Variants in STAB1 observed in about 807,000 individuals in gnomAD.
STAB1 encodes the protein stabilin 1.
A neutral mutation model predicts 332.4 loss-of-function variants in STAB1; 250 were observed. The ratio of observed to expected loss-of-function variants is 0.75; its 90% CI spans 0.68 to 0.84. STAB1 has a LOEUF of 0.84. Ranked by LOEUF, STAB1 falls within the 40% of genes least tolerant of loss-of-function variation. The probability of loss-of-function intolerance (pLI) is 0.00; values close to 1 mark genes in which losing one functional copy is unlikely to be tolerated. For missense variants in STAB1, 3,249 were observed against 3,489.7 expected (o/e 0.93, Z 1.74); for synonymous variants, 1,475 against 1,390.4 (o/e 1.06, Z -1.35).
At position 52,502,098 on chromosome 3, in the gene STAB1, G is replaced by C. The variant is rs1708492272; in HGVS notation, c.417+7G>C. 2 of 1,613,662 alleles carry C rather than the reference G, an allele frequency of 1.2e-6. No homozygotes were observed. ...TGGGACCTGTGTGTGCCAGGTAAGGGCTGGGCAAGGTGGGGTGGAGGCTCA... is the reference window on the plus strand; with the variant it reads ...TGGGACCTGTGTGTGCCAGGTAAGGCCTGGGCAAGGTGGGGTGGAGGCTCA... On this transcript the variant is annotated splice_region_variant and intron_variant, in intron 4 of 68. Transcript: ENST00000321725.
chr3:52,503,843 C>T lies in STAB1; in HGVS notation c.963C>T (p.Cys321=). ...CTTCTGCGGGCTGCTTCGCCTTCTGCTCCCCCTTCTCCTGCGACCGGTCTG... is the reference window on the plus strand; with the variant it reads ...CTTCTGCGGGCTGCTTCGCCTTCTGTTCCCCCTTCTCCTGCGACCGGTCTG... The part of the protein sequence containing the change: ...SNASAGCFAF[C]SPFSCDRSAT... The change falls in exon 9 of 69, where the codon TGC becomes TGT. Residue 321 remains cysteine, a synonymous_variant. Coordinates refer to ENST00000321725, the MANE Select transcript of STAB1 (RefSeq NM_015136.3). The T allele has an allele frequency of 2.5e-6, 4 of 1,613,274 alleles. No individual in the cohort carries two copies. The highest frequency in any genetic ancestry group is 3.4e-6 in the Non-Finnish European group (4 of 1,180,028).
intron 19 of STAB1, 85 bp downstream of exon 19, chr3:52,507,760 G>A: frequency 1.9e-6 from 3 of 1,566,438 alleles, no homozygotes; most frequent in Middle Eastern, 1.7e-4. Flanking sequence ...GGTGGGGGAA[G>A]CAGAGGCTGG....
intron 37 of STAB1, 74 bp from the exon 38 acceptor site, chr3:52,515,969 G>T (rs2078847181): frequency 6.8e-7 from 1 of 1,462,948 alleles, no homozygotes; most frequent in African/African-American, 1.4e-5. Flanking sequence ...GTGGCCCCGA[G>T]ATGCCCCCGT....
Position 52,495,466 on chromosome 3 carries a change from C to A in STAB1, c.53C>A (p.Ala18Glu). The change falls in exon 1 of 69, where the codon GCA becomes GAA. Residue 18 changes from alanine (A) to glutamate (E), a missense_variant. Coordinates refer to ENST00000321725, the MANE Select transcript of STAB1 (RefSeq NM_015136.3). ...CTCTGCCTCCTGGCCTTCTGCCTGG[C>A]AGGCTTCAGCTTCGTCAGGGGGCAG... Reference protein sequence around the residue: ...LPLCLLAFCLAGFSFVRGQVL... With the variant: ...LPLCLLAFCLEGFSFVRGQVL... 1 of 1,341,148 alleles carries A rather than the reference C, an allele frequency of 7.5e-7. No individual in the cohort carries two copies. 83.1% of individuals were successfully genotyped at this position (1,341,148 alleles called of 1,614,324 possible).
Position 52,522,861 on chromosome 3 carries a change from T to A in STAB1, c.6831T>A (p.Asn2277Lys). 11 of 1,613,308 alleles carry A rather than the reference T, an allele frequency of 6.8e-6. No homozygotes were observed. Among genetic ancestry groups the A allele is most frequent in the Non-Finnish European group, 9.3e-6 (11 of 1,180,006 alleles). ...PVVFPVADCG[N>K]GRVGIVSLGA... ...TTTTCCCTGTGGCGGACTGTGGCAATGGTCGGGTGGGCATAGTCAGCCTGG... is the reference window on the plus strand; with the variant it reads ...TTTTCCCTGTGGCGGACTGTGGCAAAGGTCGGGTGGGCATAGTCAGCCTGG... The change falls in exon 62 of 69, where the codon AAT (asparagine) becomes AAA (lysine). Residue 2277 changes from asparagine to lysine, a missense_variant. Transcript: ENST00000321725.
rs374832817 is a variant in STAB1, at chr3:52,522,650, G to A, written c.6706G>A (p.Val2236Ile). The change falls in exon 61 of 69, where the codon GTC becomes ATC. Residue 2236 changes from valine (V) to isoleucine (I), a missense_variant. Transcript: ENST00000321725. ...AEAACEAQGA[V>I]LASFPQLSAA... is the part of the protein sequence containing the mutation. ...GGCGGCATGCGAAGCACAGGGAGCC[G>A]TCCTTGCTTCATTCCCTCAGCTCTC... 2.2e-5 allele frequency: 35 copies of A among 1,612,842 alleles called. No individual in the cohort carries two copies. The highest frequency in any genetic ancestry group is 6.6e-5 in the South Asian group (6 of 91,090).
In STAB1 at chr3:52,523,062, C is replaced by G; in HGVS notation, c.6948C>G (p.Asp2316Glu). Residue 2316 changes from aspartate (D) to glutamate (E), a missense_variant, in exon 63 of 69, where the codon GAC becomes GAG. Asp to Glu is a conservative substitution (Grantham distance 45). Coordinates refer to ENST00000321725, the MANE Select transcript of STAB1 (RefSeq NM_015136.3). ...GATGCCGAAATGGCTTCGTGGGTGA[C>G]GGGATCAGCACGTGCAATGGGAAGC... ...ACRCRNGFVG[D>E]GISTCNGKLL... 1 of 1,569,824 alleles carries G rather than the reference C, an allele frequency of 6.4e-7. No individual in the cohort carries two copies.
chr3:52,504,227 G>T lies in STAB1; in HGVS notation c.1150+72G>T. The T allele has an allele frequency of 3.3e-6, 5 of 1,531,136 alleles. No homozygotes were observed. In the South Asian group the frequency reaches 6.0e-5, roughly 18 times the overall value. The allele number at this position is 1,531,136 out of a possible 1,614,324, so 94.8% of individuals were successfully genotyped here. A position where few individuals can be genotyped will look rare whatever the true frequency, so the allele number is the denominator to read the frequency against. On this transcript the variant is annotated intron_variant, in intron 10 of 68. Coordinates refer to ENST00000321725, the MANE Select transcript of STAB1 (RefSeq NM_015136.3). ...CACAGTTGGCAGGGAGGGAGGAGCT[G>T]CCTCTGCAGATTCCAGTTTCTCTGC... is the stretch of plus-strand genomic sequence containing the variant.
At chr3:52,515,305 C>T in intron 36 of STAB1, 118 bp from the exon 37 acceptor site, 1 of 1,043,946 alleles carries the variant, frequency 9.6e-7, no homozygotes, top group Non-Finnish European at 1.4e-6. Context: ...CCTCTCTGAC[C>T]CTTCTGCTGT....
intron 42 of STAB1, 71 bp from the exon 43 acceptor site, chr3:52,517,249 T>C (rs66824127): frequency 0.54 from 794,212 of 1,476,016 alleles, 218,130 homozygotes; most frequent in East Asian, 0.63. Flanking sequence ...GTGGGACAGA[T>C]GAAGGTACAA....
intron 44 of STAB1, 50 bp from the exon 45 acceptor site, chr3:52,517,831 A>G (rs889410321): frequency 2.5e-6 from 4 of 1,609,742 alleles, no homozygotes; most frequent in East Asian, 2.2e-5. Context: ...TGAGTGGGAT[A>G]GAGAAGTAGT....
rs779157819 is a variant in STAB1, at chr3:52,518,801, G to A, written c.4966G>A (p.Glu1656Lys). Residue 1656 changes from glutamate to lysine, a missense_variant, in exon 48 of 69, where the codon GAG (glutamate) becomes AAG (lysine). Glu to Lys is a moderately conservative substitution (Grantham distance 56, BLOSUM62 1). Transcript: ENST00000321725. Reference protein sequence around the residue: ...HVVGCRRLRSEDLLEQGYATA... With the variant: ...HVVGCRRLRSKDLLEQGYATA... ...GGTTGGCTGTCGGCGGCTGCGGAGC[G>A]AGGACCTGCTGGAGCAGGGGTACGC... 10 of 1,611,574 alleles carry A rather than the reference G, an allele frequency of 6.2e-6. No homozygotes were observed. In the African/African-American group the frequency reaches 9.3e-5, roughly 15 times the overall value.
intron 1 of STAB1, among the ~76,000 whole-genome samples, chr3:52,498,826 T>A (rs1708230261): frequency 6.6e-6 from 1 of 152,182 alleles, no homozygotes; most frequent in African/African-American, 2.4e-5. Context: ...CCCAATTTCC[T>A]AGTCTCTCCC....
rs765154351 is a variant in STAB1 at position 52,519,287 on chromosome 3, C to G, written c.5058C>G (p.Phe1686Leu). ...EREGSIYLND[F>L]ARVVSSDHEA... ...AGGGCAGCATATACCTCAATGACTT[C>G]GCGCGCGTGGTGAGCAGCGACCATG... The change falls in exon 49 of 69, where the codon TTC becomes TTG. Residue 1686 changes from phenylalanine to leucine, a missense_variant. Coordinates refer to ENST00000321725, the MANE Select transcript of STAB1 (RefSeq NM_015136.3). 5 of 1,612,818 alleles carry G rather than the reference C, an allele frequency of 3.1e-6. No individual in the cohort carries two copies. The highest frequency in any genetic ancestry group is 4.2e-6 in the Non-Finnish European group (5 of 1,179,958).
intron 43 of STAB1, 42 bp from the exon 44 acceptor site, chr3:52,517,508 C>T (rs1206161931): frequency 3.1e-6 from 5 of 1,606,538 alleles, no homozygotes; most frequent in Admixed American, 3.4e-5. Flanking sequence ...TGCTGGCCAG[C>T]TGTTGGCTCC....
Position 52,502,078 on chromosome 3 carries a change from C to A in STAB1, c.404C>A (p.Thr135Asn). Reference sequence around the variant, plus strand: ...TTGGATGGCATGGACAGGAATGGGACCTGTGTGTGCCAGGTAAGGGCTGGG... The same window carrying A: ...TTGGATGGCATGGACAGGAATGGGAACTGTGTGTGCCAGGTAAGGGCTGGG... ...TCLDGMDRNG[T>N]CVCQENFRGS... The change falls in exon 4 of 69, where the codon ACC (threonine) becomes AAC (asparagine). Residue 135 changes from threonine to asparagine, a missense_variant. Thr to Asn is a moderately conservative substitution (Grantham distance 65). Transcript: ENST00000321725. 8 of 1,613,600 alleles carry A rather than the reference C, an allele frequency of 5.0e-6. No individual in the cohort carries two copies. Among genetic ancestry groups the A allele is most frequent in the Non-Finnish European group, 6.8e-6 (8 of 1,179,998 alleles).
Position 52,518,889 on chromosome 3 carries a change from T to TGCCCCGCTCCATCCC in STAB1, c.5034+28_5034+42dup. 2 of 1,215,330 alleles carry TGCCCCGCTCCATCCC rather than the reference T, an allele frequency of 1.6e-6. No homozygotes were observed. Among genetic ancestry groups the TGCCCCGCTCCATCCC allele is most frequent in the Non-Finnish European group, 1.1e-6 (1 of 876,230 alleles). 75.3% of individuals were successfully genotyped at this position (1,215,330 alleles called of 1,614,324 possible). The stretch of plus-strand genomic sequence containing the variant: ...AGGGAGGTGAGCCCTGGCCCTGGCC[T>TGCCCCGCTCCATCCC]GCCCCGCTCCATCCCGCCCCGCCCC... On this transcript the variant is annotated intron_variant, in intron 48 of 68. Coordinates refer to ENST00000321725, the MANE Select transcript of STAB1 (RefSeq NM_015136.3).
At chr3:52,502,805 G>C (rs1459528009) in intron 6 of STAB1, 78 bp downstream of exon 6, 2 of 1,479,318 alleles carry the variant, frequency 1.4e-6, no homozygotes, top group Non-Finnish European at 1.9e-6. Flanking sequence ...GGTGAGGATG[G>C]GGCCTGAGCC....
rs544870986 is a variant in STAB1 at position 52,513,881 on chromosome 3, A to C, written c.3349-2A>C. ...CTGACCAGGCCCTGTGCTCTGTACCAGGTCTTACTGCCCCCCCGAGGGGAT... is the reference window on the plus strand; with the variant it reads ...CTGACCAGGCCCTGTGCTCTGTACCCGGTCTTACTGCCCCCCCGAGGGGAT... On this transcript the variant is annotated splice_acceptor_variant, in intron 31 of 68. Transcript: ENST00000321725. LOFTEE classifies it high-confidence loss of function. The C allele has an allele frequency of 1.6e-5, 25 of 1,606,728 alleles. No homozygotes were observed. The highest frequency in any genetic ancestry group is 2.1e-5 in the Non-Finnish European group (25 of 1,174,822).
Sources: gnomAD v4.1 joint callset for allele counts (sites outside exome capture counted in the v4.1 genomes callset) on GRCh38, gnomAD v4.1.1 for gene constraint, MANE v1.5 for transcripts, NCBI Gene and HGNC (gene_info 2026-07-23, HGNC 2026-07-21) for gene names.